Variants in CELF2 observed in about 807,000 individuals in gnomAD.
The protein encoded by CELF2 is CUGBP Elav-like family member 2, also known as CUG triplet repeat RNA-binding protein 2.
A neutral mutation model predicts 62.6 loss-of-function variants in CELF2; 8 were observed. The observed-to-expected ratio is 0.13, with a 90% confidence interval of 0.07 to 0.23. The LOEUF is 0.23. CELF2 is among the 10% of genes least tolerant of loss of function. The probability of loss-of-function intolerance (pLI) is 1.00; values close to 1 mark genes in which losing one functional copy is unlikely to be tolerated. For missense variants in CELF2, 333 were observed against 671.0 expected (o/e 0.50, Z 5.56); for synonymous variants, 258 against 250.0 (o/e 1.03, Z -0.30).
chr10:10,886,344 A>G (rs1330355082), intron 1 of CELF2, among the ~76,000 whole-genome samples: 2 of 152,238 alleles, frequency 1.3e-5, no homozygotes, highest in Non-Finnish European at 2.9e-5. Context: ...ATAATATAAT[A>G]TAACAGCCTT....
the CELF2 span, among the ~76,000 whole-genome samples, chr10:10,720,290 A>T: frequency 2.6e-5 from 4 of 152,374 alleles, no homozygotes; most frequent in South Asian, 8.3e-4. Flanking sequence ...AAGGTAAAGG[A>T]CTGCTGTCGT....
At chr10:10,823,978 A>G (rs2057179473) in intron 1 of CELF2, among the ~76,000 whole-genome samples, 1 of 152,188 alleles carries the variant, frequency 6.6e-6, no homozygotes, top group Non-Finnish European at 1.5e-5. Context: ...TGATAGATAG[A>G]TAGATAGATA....
At chr10:10,896,103 A>G (rs549438744) in intron 1 of CELF2, among the ~76,000 whole-genome samples, 90 of 152,288 alleles carry the variant, frequency 5.9e-4, no homozygotes, top group African/African-American at 2.0e-3. Context: ...TGATTGATGT[A>G]TACATGTAAA....
chr10:10,690,669 C>T, the CELF2 span, among the ~76,000 whole-genome samples: 1 of 152,058 alleles, frequency 6.6e-6, no homozygotes, highest in African/African-American at 2.4e-5. Context: ...CACTTGAGGT[C>T]AGGGGTTCGA....
intron 2 of CELF2, among the ~76,000 whole-genome samples, chr10:10,945,580 G>A (rs914102590): frequency 2.6e-5 from 4 of 152,220 alleles, no homozygotes; most frequent in Non-Finnish European, 5.9e-5. Context: ...AGCTTTGAAG[G>A]TGAAATCCAT....
intron 1 of CELF2, among the ~76,000 whole-genome samples, chr10:11,160,862 T>A (rs184631593): frequency 6.6e-6 from 1 of 152,314 alleles, no homozygotes; most frequent in Non-Finnish European, 1.5e-5. Flanking sequence ...GTAAGTTTGT[T>A]CTTCTTTTTA....
the CELF2 span, among the ~76,000 whole-genome samples, chr10:10,742,485 C>T: frequency 6.6e-6 from 1 of 151,644 alleles, no homozygotes; most frequent in Non-Finnish European, 1.5e-5. Flanking sequence ...AAAAGTTAGC[C>T]AGGCATGGTG....
At chr10:10,918,100 C>T (rs1049653979) in intron 1 of CELF2, 4 of 152,252 alleles carry the variant, frequency 2.6e-5, no homozygotes, top group Admixed American at 6.5e-5. Context: ...TTCATTCATT[C>T]CTGATAAGAT....
rs111612131 is a variant in CELF2, at chr10:11,088,960, G to A, written c.74+70797G>A. Among the ~76,000 whole-genome samples, 13 of 152,330 alleles carry A rather than the reference G, an allele frequency of 8.5e-5. No homozygotes were observed. In the South Asian group the frequency reaches 1.0e-3, roughly 12 times the overall value. On this transcript the variant is annotated intron_variant, in intron 1 of 12. Transcript: ENST00000633077. ...ACTGAAGCACATGCAAGCCTCTCCC[G>A]TGCGTTGGGCTGCCATTGGCACGGC...
intron 1 of CELF2, among the ~76,000 whole-genome samples, chr10:11,020,550 CAT>C (rs1241509043): frequency 6.6e-6 from 1 of 152,110 alleles, no homozygotes; most frequent in Non-Finnish European, 1.5e-5. Context: ...GACTGGTTGT[CAT>C]GTGTGGTATA....
the CELF2 span, among the ~76,000 whole-genome samples, chr10:10,696,323 G>T: frequency 1.3e-5 from 2 of 151,286 alleles, no homozygotes; most frequent in South Asian, 4.2e-4. Flanking sequence ...TCAGGGGTCA[G>T]GGGTCAGGGA....
At chr10:10,686,318 G>GGT in the CELF2 span, among the ~76,000 whole-genome samples, 2 of 85,610 alleles carry the variant, frequency 2.3e-5, no homozygotes, top group African/African-American at 4.5e-5. Context: ...TTTGGGGGGG[G>GGT]GGGTGGGGTG....
chr10:11,314,063 G>T lies in CELF2; in HGVS notation c.977-76G>T. On this transcript the variant is annotated intron_variant, in intron 9 of 12. Coordinates refer to ENST00000633077, the MANE Select transcript of CELF2 (RefSeq NM_001326342.2). This position sits in a 1 kb window ranked among gnomAD's most constrained non-coding sequence, Gnocchi z 5.3. Reference sequence around the variant, plus strand: ...CCTCAGCTCCGTCCACTGAGATGATGACAGAAGGATTTCCAGTCTCGGCTC... The same window carrying T: ...CCTCAGCTCCGTCCACTGAGATGATTACAGAAGGATTTCCAGTCTCGGCTC... 6.9e-7 allele frequency: 1 copy of T among 1,450,038 alleles called. No homozygotes were observed. The highest frequency in any genetic ancestry group is 1.3e-5 in the South Asian group (1 of 79,270). 89.8% of individuals were successfully genotyped at this position (1,450,038 alleles called of 1,614,324 possible). A position where few individuals can be genotyped will look rare whatever the true frequency, so the allele number is the denominator to read the frequency against.
chr10:11,026,864 G>A (rs1031299255), intron 1 of CELF2, among the ~76,000 whole-genome samples: 20 of 152,178 alleles, frequency 1.3e-4, no homozygotes, highest in African/African-American at 4.6e-4. Flanking sequence ...GCAGCTGCTT[G>A]TTTCTGCGCA....
chr10:10,946,070 C>T (rs2047646458), intron 2 of CELF2: 1 of 152,660 alleles, frequency 6.6e-6, no homozygotes, highest in South Asian at 2.1e-4. Context: ...TGGCACGTAG[C>T]TGCGAGAGGG....
In CELF2 at chr10:10,912,295, A is replaced by G. The variant is rs568772427; in HGVS notation, c.54-7669A>G. Among the ~76,000 whole-genome samples the G allele has an allele frequency of 1.1e-4, 17 of 152,276 alleles. No homozygotes were observed. In the South Asian group the frequency reaches 3.5e-3, roughly 32 times the overall value. On this transcript the variant is annotated intron_variant, in intron 1 of 13. Transcript: ENST00000636488. The stretch of plus-strand genomic sequence containing the variant: ...CCCGCTACCTTGCTTCATCCTTCAT[A>G]ACATATTCTATATAATGTAGGAATC...
At chr10:10,490,154 CAGAACTCTTTAGGCTTG>C in the CELF2 span, among the ~76,000 whole-genome samples, 1 of 152,122 alleles carries the variant, frequency 6.6e-6, no homozygotes, top group African/African-American at 2.4e-5. Context: ...GTAACAGTAA[CAGAACTCTTTAGGCTTG>C]CCTAAATATC....
chr10:10,521,518 C>A, the CELF2 span, among the ~76,000 whole-genome samples: 1 of 152,128 alleles, frequency 6.6e-6, no homozygotes, highest in Admixed American at 6.5e-5. Flanking sequence ...ATGCACTAGG[C>A]TAAGTACTTT....
At chr10:10,680,789 G>A in the CELF2 span, among the ~76,000 whole-genome samples, 1 of 152,204 alleles carries the variant, frequency 6.6e-6, no homozygotes, top group Non-Finnish European at 1.5e-5. Flanking sequence ...AGGGCGAAGG[G>A]AAAAGGCCAG....
Sources: allele counts gnomAD v4.1 joint callset (sites outside exome capture counted in the v4.1 genomes callset), GRCh38; gene constraint gnomAD v4.1.1; non-coding constraint Gnocchi (gnomAD v3.1); transcripts MANE v1.5; gene names NCBI Gene and HGNC (gene_info 2026-07-23, HGNC 2026-07-21).